MECOM: variants seen among roughly 807,000 people sequenced by gnomAD.
The protein encoded by MECOM is MDS1 and EVI1 complex locus.
A neutral mutation model predicts 116.3 loss-of-function variants in MECOM; 13 were observed. That is an observed-to-expected ratio of 0.11 (90% CI 0.07 to 0.18). The LOEUF is 0.18. MECOM is among the 10% of genes least tolerant of loss of function. MECOM has a pLI of 1.00. For synonymous variants in MECOM, 528 were observed against 535.2 expected (o/e 0.99, Z 0.19); for missense variants, 1,299 against 1,509.0 (o/e 0.86, Z 2.31).
intron 1 of MECOM, among the ~76,000 whole-genome samples, chr3:169,634,265 C>G (rs1772454319): frequency 6.6e-6 from 1 of 150,428 alleles, no homozygotes; most frequent in African/African-American, 2.4e-5. Context: ...CACACACACA[C>G]ACACCTCTTT....
intron 7 of MECOM, among the ~76,000 whole-genome samples, chr3:169,119,208 C>T (rs948427390): frequency 4.6e-5 from 7 of 152,146 alleles, no homozygotes; most frequent in African/African-American, 1.4e-4. Flanking sequence ...GGGGGTAAAT[C>T]GTGGTGTGTG....
chr3:169,385,977 T>C (rs1733259585), intron 1 of MECOM, among the ~76,000 whole-genome samples: 1 of 152,166 alleles, frequency 6.6e-6, no homozygotes, highest in Non-Finnish European at 1.5e-5. Flanking sequence ...AGGCATGTCA[T>C]TAACTGAGTG....
chr3:169,324,104 T>C (rs1721391878), intron 2 of MECOM, among the ~76,000 whole-genome samples: 1 of 152,224 alleles, frequency 6.6e-6, no homozygotes. Context: ...AGAAGGATTT[T>C]ATTTCACCAG....
intron 2 of MECOM, among the ~76,000 whole-genome samples, chr3:169,287,220 A>G (rs1172504035): frequency 6.6e-6 from 1 of 152,186 alleles, no homozygotes; most frequent in African/African-American, 2.4e-5. Flanking sequence ...CCTCCAGGAA[A>G]CACGGATGGA....
intron 1 of MECOM, among the ~76,000 whole-genome samples, chr3:169,412,768 G>A (rs757941398): frequency 1.8e-4 from 28 of 151,954 alleles, no homozygotes; most frequent in Non-Finnish European, 3.2e-4. Flanking sequence ...AAACATATAA[G>A]AACATCACTA....
At position 169,356,755 on chromosome 3, in the gene MECOM, C is replaced by T. The variant is rs548454422; in HGVS notation, c.375+24432G>A. Among the ~76,000 whole-genome samples the T allele has an allele frequency of 2.0e-5, 3 of 152,024 alleles. No individual in the cohort carries two copies. The East Asian group carries it at 5.8e-4, about 30-fold the overall frequency. ...TAATCCGTAGGCCCTCATTCATGCT[C>T]ACTGTTAATCTCTTAAGACATTATA... On this transcript the variant is annotated intron_variant, in intron 2 of 16. Transcript: ENST00000651503.
At chr3:169,591,373 CCTT>C (rs10551290) in intron 1 of MECOM, among the ~76,000 whole-genome samples, 18,136 of 152,066 alleles carry the variant, frequency 0.12, 1,405 homozygotes, top group African/African-American at 0.22. Context: ...CCAAAGGTAA[CCTT>C]CTGCTGTTAT....
chr3:169,539,005 C>T (rs1759732953), intron 1 of MECOM, among the ~76,000 whole-genome samples: 2 of 150,890 alleles, frequency 1.3e-5, no homozygotes, highest in South Asian at 4.2e-4. Context: ...TGCATTTTCA[C>T]TGAAATAAAT....
chr3:169,321,205 G>T (rs984775054), intron 2 of MECOM, among the ~76,000 whole-genome samples: 1 of 152,212 alleles, frequency 6.6e-6, no homozygotes, highest in African/African-American at 2.4e-5. Flanking sequence ...TACATTAAAA[G>T]TAAATTGTGA....
chr3:169,268,352 C>A (rs1452801943), intron 2 of MECOM, among the ~76,000 whole-genome samples: 1 of 152,168 alleles, frequency 6.6e-6, no homozygotes, highest in Non-Finnish European at 1.5e-5. Flanking sequence ...AGTCAACCAG[C>A]TTTTTCTCAC....
chr3:169,246,075 A>T (rs1447835208), intron 2 of MECOM, among the ~76,000 whole-genome samples: 1 of 152,214 alleles, frequency 6.6e-6, no homozygotes, highest in Non-Finnish European at 1.5e-5. Flanking sequence ...TTAAAATATG[A>T]TGTTTTCCAA....
chr3:169,211,908 C>G (rs1405852974), intron 2 of MECOM, among the ~76,000 whole-genome samples: 1 of 152,088 alleles, frequency 6.6e-6, no homozygotes, highest in Non-Finnish European at 1.5e-5. Flanking sequence ...AAGTACCCTC[C>G]TCCCTGCACA....
intron 2 of MECOM, among the ~76,000 whole-genome samples, chr3:169,295,142 AC>A (rs1715352945): frequency 6.6e-6 from 1 of 152,206 alleles, no homozygotes; most frequent in African/African-American, 2.4e-5. Context: ...AGATATGAGC[AC>A]AGACCTTTGG....
At chr3:169,163,639 G>T (rs1372028553) in intron 2 of MECOM, among the ~76,000 whole-genome samples, 1 of 152,070 alleles carries the variant, frequency 6.6e-6, no homozygotes, top group African/African-American at 2.4e-5. Flanking sequence ...CAACTGGTAG[G>T]TATTAAAAAT....
intron 1 of MECOM, among the ~76,000 whole-genome samples, chr3:169,625,124 C>T (rs1012383526): frequency 1.3e-5 from 2 of 151,666 alleles, no homozygotes; most frequent in Non-Finnish European, 2.9e-5. Flanking sequence ...CTGTGATGAA[C>T]GAAAACCCTC....
intron 2 of MECOM, among the ~76,000 whole-genome samples, chr3:169,365,349 T>C (rs111736734): frequency 1.1e-4 from 16 of 152,192 alleles, no homozygotes; most frequent in Middle Eastern, 3.4e-3. Context: ...GCTAGTATAG[T>C]CGCTTCTCTT....
At chr3:169,594,178 A>AAAAACCAAAAAACACCTT (rs1553894686) in intron 1 of MECOM, among the ~76,000 whole-genome samples, 1 of 138,598 alleles carries the variant, frequency 7.2e-6, no homozygotes, top group African/African-American at 2.8e-5. Flanking sequence ...AAAAAAAAAC[A>AAAAACCAAAAAACACCTT]CCTTTTCACC....
chr3:169,360,290 TAAAAA>T (rs1203615730), intron 2 of MECOM, among the ~76,000 whole-genome samples: 5 of 29,538 alleles, frequency 1.7e-4, no homozygotes, highest in Admixed American at 5.1e-4. Context: ...TAAAGTATAA[TAAAAA>T]AAAAAAAAAA....
intron 1 of MECOM, among the ~76,000 whole-genome samples, chr3:169,629,136 T>C (rs1165551780): frequency 6.7e-6 from 1 of 149,694 alleles, no homozygotes; most frequent in Non-Finnish European, 1.5e-5. Flanking sequence ...TTTTTTTTTT[T>C]TGAATCTCTA....
Sources: allele counts gnomAD v4.1 joint callset (sites outside exome capture counted in the v4.1 genomes callset), GRCh38; gene constraint gnomAD v4.1.1; transcripts MANE v1.5; gene names NCBI Gene and HGNC (gene_info 2026-07-23, HGNC 2026-07-21).